The following OTOP1 variants were observed in gnomAD, a reference collection of about 807,000 sequenced individuals.
OTOP1 encodes the protein otopetrin 1, also known as proton channel OTOP1.
Under a neutral mutation model 52.9 loss-of-function variants are expected in OTOP1, and 59 were observed. That is an observed-to-expected ratio of 1.12 (90% CI 0.91 to 1.39). The LOEUF (loss-of-function observed/expected upper bound fraction) is 1.39, where lower values mean the gene tolerates loss of function less well. Among genes scored for constraint, OTOP1 ranks in the 40% most tolerant of loss-of-function variants. The pLI, the probability that OTOP1 is intolerant of heterozygous loss-of-function variation, is 0.00. For missense variants in OTOP1, 761 were observed against 800.9 expected (o/e 0.95, Z 0.60); for synonymous variants, 317 against 337.7 (o/e 0.94, Z 0.67).
At chr4:4,225,207 CT>C (rs1288651404) in intron 1 of OTOP1, among the ~76,000 whole-genome samples, 1 of 152,182 alleles carries the variant, frequency 6.6e-6, no homozygotes, top group Admixed American at 6.5e-5. Flanking sequence ...CAGACAGAAG[CT>C]TTCTTCACAA....
intron 2 of OTOP1, among the ~76,000 whole-genome samples, chr4:4,210,903 C>A (rs756789187): frequency 6.6e-6 from 1 of 152,162 alleles, no homozygotes. Flanking sequence ...ACCTCAATTT[C>A]CTCTAAACGA....
At chr4:4,192,934 C>T (rs2920169) in intron 5 of OTOP1, among the ~76,000 whole-genome samples, 91,617 of 151,888 alleles carry the variant, frequency 0.6, 28,249 homozygotes, top group African/African-American at 0.69. Context: ...TTTTGCCAGA[C>T]GAGAATAACC....
intron 3 of OTOP1, among the ~76,000 whole-genome samples, chr4:4,202,897 C>G (rs1270552172): frequency 1.3e-5 from 2 of 152,212 alleles, no homozygotes. Context: ...GCAGACAACC[C>G]ACCCCACCAC....
chr4:4,191,842 T>C (rs1245478070), intron 5 of OTOP1, among the ~76,000 whole-genome samples: 1 of 152,106 alleles, frequency 6.6e-6, no homozygotes, highest in African/African-American at 2.4e-5. Context: ...TGCTGTACCC[T>C]CAACATGCAT....
At chr4:4,202,140 G>C (rs985601674) in intron 4 of OTOP1, among the ~76,000 whole-genome samples, 2 of 152,170 alleles carry the variant, frequency 1.3e-5, no homozygotes, top group African/African-American at 4.8e-5. Context: ...ATCTTCTGTA[G>C]TTGAAAACAA....
intron 1 of OTOP1, among the ~76,000 whole-genome samples, chr4:4,219,876 T>C (rs190863476): frequency 1.4e-4 from 21 of 146,756 alleles, no homozygotes; most frequent in African/African-American, 4.2e-4. Flanking sequence ...TATACATATA[T>C]GTATATATAC....
chr4:4,200,455 G>A (rs1385374721), intron 4 of OTOP1, among the ~76,000 whole-genome samples: 5 of 139,990 alleles, frequency 3.6e-5, no homozygotes, highest in African/African-American at 1.4e-4. Flanking sequence ...CAGCCTGGGC[G>A]ACGAGCGAGA....
At chr4:4,217,343 C>T (rs1160522339) in intron 1 of OTOP1, among the ~76,000 whole-genome samples, 1 of 152,192 alleles carries the variant, frequency 6.6e-6, no homozygotes, top group Admixed American at 6.5e-5. Flanking sequence ...GATGAGCTGG[C>T]AACAGACTTT....
At chr4:4,199,964 A>G (rs1334211823) in intron 4 of OTOP1, among the ~76,000 whole-genome samples, 1 of 152,202 alleles carries the variant, frequency 6.6e-6, no homozygotes, top group Non-Finnish European at 1.5e-5. Flanking sequence ...TTCATCAAGC[A>G]TACACACATA....
In OTOP1 at chr4:4,205,749, T is replaced by C. The variant is rs369036804; in HGVS notation, c.599+323A>G. On this transcript the variant is annotated intron_variant, in intron 3 of 5. Coordinates refer to ENST00000296358, the MANE Select transcript of OTOP1 (RefSeq NM_177998.3). ...GGACAGCACCTCAACTGAGAACTTA[T>C]GACGGTTAAAAAAAGAAATTACATT... Among the ~76,000 whole-genome samples the C allele has an allele frequency of 1.1e-4, 16 of 152,362 alleles. No homozygotes were observed. In the South Asian group the frequency reaches 3.3e-3, roughly 32 times the overall value.
At chr4:4,205,562 G>A (rs1246193855) in intron 3 of OTOP1, among the ~76,000 whole-genome samples, 5 of 152,120 alleles carry the variant, frequency 3.3e-5, no homozygotes, top group African/African-American at 1.2e-4. Flanking sequence ...TGTCTTTATA[G>A]GATTTATGGC....
intron 2 of OTOP1, among the ~76,000 whole-genome samples, chr4:4,209,807 A>G (rs1716986221): frequency 6.6e-6 from 1 of 152,146 alleles, no homozygotes; most frequent in Admixed American, 6.5e-5. Context: ...GTGCAAGCTT[A>G]CAAGCCGTAC....
intron 5 of OTOP1, among the ~76,000 whole-genome samples, chr4:4,193,137 G>A (rs1341908637): frequency 6.6e-6 from 1 of 152,168 alleles, no homozygotes; most frequent in African/African-American, 2.4e-5. Flanking sequence ...GTTTAGGATA[G>A]AGTCTTGGCT....
At chr4:4,197,070 T>G (rs1716650776) in intron 5 of OTOP1, 96 bp downstream of exon 5, 1 of 1,279,916 alleles carries the variant, frequency 7.8e-7, no homozygotes, top group Non-Finnish European at 1.1e-6. Context: ...CAACACGCAA[T>G]TTACCCATTT....
chr4:4,203,603 G>C (rs567331436), intron 3 of OTOP1, among the ~76,000 whole-genome samples: 1 of 152,182 alleles, frequency 6.6e-6, no homozygotes, highest in Non-Finnish European at 1.5e-5. Flanking sequence ...TGGGGAATGC[G>C]GTCCCCATAG....
chr4:4,211,640 C>A (rs151303716), intron 2 of OTOP1, among the ~76,000 whole-genome samples: 17 of 152,252 alleles, frequency 1.1e-4, no homozygotes, highest in African/African-American at 4.1e-4. Flanking sequence ...TGATGTGGGC[C>A]TGTAGTCCTA....
intron 1 of OTOP1, among the ~76,000 whole-genome samples, chr4:4,223,557 G>GA (rs745988981): frequency 6.6e-6 from 1 of 152,004 alleles, no homozygotes; most frequent in Non-Finnish European, 1.5e-5. Flanking sequence ...AGACTGAGTA[G>GA]AAAAAAAGAA....
At chr4:4,192,192 G>T (rs1716524087) in intron 5 of OTOP1, among the ~76,000 whole-genome samples, 1 of 152,100 alleles carries the variant, frequency 6.6e-6, no homozygotes, top group South Asian at 2.1e-4. Flanking sequence ...GTTGGCTCTG[G>T]GGCCCTGAAC....
chr4:4,190,669 C>G (rs1716481656), intron 5 of OTOP1, among the ~76,000 whole-genome samples: 1 of 152,086 alleles, frequency 6.6e-6, no homozygotes, highest in African/African-American at 2.4e-5. Flanking sequence ...AGGTTACATG[C>G]AAATATTACC....
Sources: allele counts gnomAD v4.1 joint callset (sites outside exome capture counted in the v4.1 genomes callset), GRCh38; gene constraint gnomAD v4.1.1; transcripts MANE v1.5; gene names NCBI Gene and HGNC (gene_info 2026-07-23, HGNC 2026-07-21).